The following SLC25A48 variants were observed in gnomAD, a reference collection of about 807,000 sequenced individuals.
SLC25A48 encodes the protein solute carrier family 25 member 48.
SLC25A48 carries 29 observed loss-of-function variants against 32.2 expected under a neutral mutation model. The ratio of observed to expected loss-of-function variants is 0.90; its 90% CI spans 0.67 to 1.23. SLC25A48 has a LOEUF of 1.23. Among genes scored for constraint, SLC25A48 ranks in the 50% most tolerant of loss-of-function variants. The pLI, the probability that SLC25A48 is intolerant of heterozygous loss-of-function variation, is 0.00. For synonymous variants in SLC25A48, 164 were observed against 172.3 expected (o/e 0.95, Z 0.38); for missense variants, 399 against 422.7 (o/e 0.94, Z 0.49).
chr5:135,844,675 C>T (rs981520076), intron 2 of SLC25A48, among the ~76,000 whole-genome samples: 13 of 152,232 alleles, frequency 8.5e-5, no homozygotes, highest in Non-Finnish European at 1.2e-4. Flanking sequence ...TTATCAACAT[C>T]ATTCGATATA....
At position 135,629,838 on chromosome 5, in the gene SLC25A48, G is replaced by A. The variant is rs996402011; in HGVS notation, c.-709+462G>A. ...GCACATGGGCTGAGTGGGCCCATTG[G>A]CCAGAGAAAACCCTAGGGCAGAAAC... On this transcript the variant is annotated intron_variant, in intron 2 of 10. Transcript: ENST00000646290. This position sits in a 1 kb window ranked among gnomAD's most constrained non-coding sequence, Gnocchi z 4.8. 5.3e-5 allele frequency among the ~76,000 whole-genome samples: 8 copies of A among 152,196 alleles called. No homozygotes were observed. The highest frequency in any genetic ancestry group is 1.0e-4 in the Non-Finnish European group (7 of 68,028).
chr5:135,771,550 G>T (rs562510488), intron 3 of SLC25A48, among the ~76,000 whole-genome samples: 4 of 151,622 alleles, frequency 2.6e-5, no homozygotes, highest in East Asian at 3.9e-4. Flanking sequence ...TTCGTGGGGG[G>T]TGTACACCCT....
chr5:135,603,567 G>A (rs1751853390), intron 1 of SLC25A48, among the ~76,000 whole-genome samples: 1 of 152,180 alleles, frequency 6.6e-6, no homozygotes, highest in African/African-American at 2.4e-5. Flanking sequence ...TCTGGTGGTG[G>A]GGGGGTGCGA....
chr5:135,813,781 A>T (rs567673805), intron 4 of SLC25A48, among the ~76,000 whole-genome samples: 1 of 152,118 alleles, frequency 6.6e-6, no homozygotes, highest in East Asian at 1.9e-4. Flanking sequence ...AATGTTGGGA[A>T]AAAGGGGAGA....
chr5:135,771,210 C>T (rs940513997), intron 3 of SLC25A48, among the ~76,000 whole-genome samples: 7 of 150,760 alleles, frequency 4.6e-5, no homozygotes, highest in African/African-American at 1.7e-4. Flanking sequence ...TTGTAATAGC[C>T]GGGGGGGAGA....
chr5:135,675,856 T>C (rs1255559467), intron 3 of SLC25A48, among the ~76,000 whole-genome samples: 1 of 152,130 alleles, frequency 6.6e-6, no homozygotes, highest in Admixed American at 6.5e-5. Context: ...TTCCATTTGT[T>C]TGTGTCCTCT....
intron 3 of SLC25A48, among the ~76,000 whole-genome samples, chr5:135,759,174 T>C (rs1046836369): frequency 6.6e-6 from 1 of 152,124 alleles, no homozygotes; most frequent in African/African-American, 2.4e-5. Context: ...CAATATCATC[T>C]AGTGTTAACA....
At chr5:135,829,789 T>A (rs1758157398), upstream of SLC25A48, among the ~76,000 whole-genome samples, 1 of 151,502 alleles carries the variant, frequency 6.6e-6, no homozygotes, top group African/African-American at 2.4e-5. Flanking sequence ...GACCCTGGAG[T>A]CAAACAGCAG....
chr5:135,694,063 C>T (rs2126960471), intron 3 of SLC25A48, among the ~76,000 whole-genome samples: 1 of 152,348 alleles, frequency 6.6e-6, no homozygotes, highest in East Asian at 1.9e-4. Flanking sequence ...ACCTTTTCCA[C>T]CCTGCCAGGG....
intron 1 of SLC25A48, among the ~76,000 whole-genome samples, chr5:135,614,319 T>C (rs1214403118): frequency 6.6e-6 from 1 of 152,230 alleles, no homozygotes; most frequent in Admixed American, 6.5e-5. Context: ...TTAAGAGTTT[T>C]TGGTGAGTCT....
At chr5:135,685,970 T>C (rs1754013489) in intron 3 of SLC25A48, among the ~76,000 whole-genome samples, 1 of 152,146 alleles carries the variant, frequency 6.6e-6, no homozygotes, top group Non-Finnish European at 1.5e-5. Flanking sequence ...CCATCTCCCA[T>C]CTTCTGTCTC....
intron 3 of SLC25A48, chr5:135,714,672 C>T (rs371730946): frequency 6.6e-6 from 1 of 152,232 alleles, no homozygotes; most frequent in African/African-American, 2.4e-5. Context: ...CTGAGCATTT[C>T]CTATTCCAGG....
chr5:135,844,945 T>C (rs1195801426), intron 2 of SLC25A48, among the ~76,000 whole-genome samples: 1 of 152,214 alleles, frequency 6.6e-6, no homozygotes, highest in East Asian at 1.9e-4. Flanking sequence ...TGACTTAATA[T>C]AAGTGAGTTG....
chr5:135,853,618 T>G (rs970827148), intron 4 of SLC25A48, among the ~76,000 whole-genome samples: 1 of 152,210 alleles, frequency 6.6e-6, no homozygotes, highest in African/African-American at 2.4e-5. Context: ...CAGCCTCTAC[T>G]TCTCATTCTA....
At chr5:135,599,457 T>C (rs1287614962) in intron 1 of SLC25A48, among the ~76,000 whole-genome samples, 2 of 152,204 alleles carry the variant, frequency 1.3e-5, no homozygotes, top group Non-Finnish European at 2.9e-5. Context: ...CTTTCTCTTC[T>C]TCCTTGGCCA....
chr5:135,714,445 A>G (rs541470442), intron 3 of SLC25A48, among the ~76,000 whole-genome samples: 5 of 152,264 alleles, frequency 3.3e-5, no homozygotes, highest in South Asian at 2.1e-4. Context: ...ATGTCCTGCA[A>G]TCTATTCAGT....
chr5:135,627,577 A>G (rs2126904094), intron 1 of SLC25A48, among the ~76,000 whole-genome samples: 1 of 152,040 alleles, frequency 6.6e-6, no homozygotes, highest in South Asian at 2.1e-4. Context: ...ACCCTTCATT[A>G]AAGTACTTCA....
intron 2 of SLC25A48, among the ~76,000 whole-genome samples, chr5:135,848,926 T>C (rs572116894): frequency 6.6e-6 from 1 of 152,156 alleles, no homozygotes; most frequent in African/African-American, 2.4e-5. Flanking sequence ...AGGAGAGGAG[T>C]AGGGTGAGAG....
At chr5:135,744,112 T>A (rs73789120) in intron 3 of SLC25A48, among the ~76,000 whole-genome samples, 6,522 of 152,308 alleles carry the variant, frequency 0.043, 286 homozygotes, top group African/African-American at 0.11. Context: ...TGGGCTCTAA[T>A]TTAAACCTCA....
Sources: gnomAD v4.1 joint callset for allele counts (sites outside exome capture counted in the v4.1 genomes callset) on GRCh38, gnomAD v4.1.1 for gene constraint, Gnocchi (gnomAD v3.1) non-coding constraint, MANE v1.5 for transcripts, NCBI Gene and HGNC (gene_info 2026-07-23, HGNC 2026-07-21) for gene names.